The following CLINT1 variants were observed in gnomAD, a reference collection of about 807,000 sequenced individuals.
CLINT1 encodes the protein clathrin interacting protein localized in the trans-Golgi region.
A neutral mutation model predicts 70.4 loss-of-function variants in CLINT1; 15 were observed. The ratio of observed to expected loss-of-function variants is 0.21; its 90% CI spans 0.14 to 0.33. The LOEUF (loss-of-function observed/expected upper bound fraction) is 0.33, where lower values mean the gene tolerates loss of function less well. CLINT1 is among the 10% of genes least tolerant of loss of function. CLINT1 has a pLI of 1.00. For synonymous variants in CLINT1, 227 were observed against 254.7 expected (o/e 0.89, Z 1.04); for missense variants, 615 against 778.1 (o/e 0.79, Z 2.49).
At chr5:157,806,642 ATAAT>A (rs1762394580) in intron 6 of CLINT1, among the ~76,000 whole-genome samples, 1 of 152,208 alleles carries the variant, frequency 6.6e-6, no homozygotes. Flanking sequence ...CTTAATTCGA[ATAAT>A]TAAACTCATC....
chr5:157,809,271 T>G (rs1292751777), intron 6 of CLINT1: 1 of 170,772 alleles, frequency 5.9e-6, no homozygotes, highest in African/African-American at 2.4e-5. Flanking sequence ...ATTATGCATT[T>G]GTCGAAACCC....
chr5:157,810,859 G>A (rs1478317867), intron 5 of CLINT1, among the ~76,000 whole-genome samples: 1 of 152,180 alleles, frequency 6.6e-6, no homozygotes, highest in Non-Finnish European at 1.5e-5. Context: ...GATCTAAAAG[G>A]ATACATAGCC....
Position 157,836,225 on chromosome 5 carries a change from C to T in CLINT1, c.42-18678G>A, listed in dbSNP as rs925959618. On this transcript the variant is annotated intron_variant, in intron 1 of 11. Transcript: ENST00000411809. ...ATGGGCCAGGCATTGTCCTAAGCCA[C>T]GGACAATTCATTTAATCTTCCTAAC... is the stretch of plus-strand genomic sequence containing the variant. Among the ~76,000 whole-genome samples the T allele has an allele frequency of 3.3e-5, 5 of 152,190 alleles. No individual in the cohort carries two copies. In the East Asian group the frequency reaches 5.8e-4, roughly 18 times the overall value.
chr5:157,835,817 A>C (rs1763401789), intron 1 of CLINT1, among the ~76,000 whole-genome samples: 1 of 152,166 alleles, frequency 6.6e-6, no homozygotes, highest in Non-Finnish European at 1.5e-5. Context: ...CCTTGCCAAG[A>C]CTTAAAAAGT....
At chr5:157,792,553 A>C (rs1162248543) in intron 9 of CLINT1, among the ~76,000 whole-genome samples, 1 of 152,194 alleles carries the variant, frequency 6.6e-6, no homozygotes, top group Non-Finnish European at 1.5e-5. Flanking sequence ...GTCTAAAAAA[A>C]AATGAAGAAT....
At chr5:157,842,630 T>G (rs930564849) in intron 1 of CLINT1, among the ~76,000 whole-genome samples, 7 of 152,212 alleles carry the variant, frequency 4.6e-5, no homozygotes, top group Admixed American at 4.6e-4. Flanking sequence ...TATTTGAAAG[T>G]TGCTTTGCAA....
intron 6 of CLINT1, among the ~76,000 whole-genome samples, chr5:157,807,271 T>C (rs1421935215): frequency 6.6e-6 from 1 of 152,112 alleles, no homozygotes; most frequent in South Asian, 2.1e-4. Context: ...TTAAGGAACC[T>C]ACAAGTTCTG....
At chr5:157,835,832 A>G (rs1313655953) in intron 1 of CLINT1, among the ~76,000 whole-genome samples, 2 of 152,192 alleles carry the variant, frequency 1.3e-5, no homozygotes, top group African/African-American at 2.4e-5. Context: ...AAAAGTTAAG[A>G]TAACTTGGCA....
chr5:157,834,834 T>C (rs1763366170), intron 1 of CLINT1, among the ~76,000 whole-genome samples: 1 of 152,234 alleles, frequency 6.6e-6, no homozygotes, highest in Middle Eastern at 3.2e-3. Context: ...TGGCTATGTA[T>C]GAATTTATTT....
chr5:157,811,771 G>A (rs1014328302), intron 5 of CLINT1, among the ~76,000 whole-genome samples: 1 of 152,052 alleles, frequency 6.6e-6, no homozygotes, highest in South Asian at 2.1e-4. Context: ...CAAAAAGAAA[G>A]ATACAAGCAA....
At chr5:157,824,208 C>G (rs376938500) in intron 1 of CLINT1, among the ~76,000 whole-genome samples, 10 of 152,210 alleles carry the variant, frequency 6.6e-5, no homozygotes, top group Admixed American at 4.6e-4. Flanking sequence ...GATAATGAAC[C>G]TTGTGATATT....
At chr5:157,805,818 T>C in intron 7 of CLINT1, 48 bp downstream of exon 7, 2 of 1,604,028 alleles carry the variant, frequency 1.2e-6, no homozygotes, top group Non-Finnish European at 1.7e-6. Context: ...GAAGAGCGGT[T>C]TATAAAAATA....
At chr5:157,833,151 G>C (rs1207884575) in intron 1 of CLINT1, among the ~76,000 whole-genome samples, 1 of 151,932 alleles carries the variant, frequency 6.6e-6, no homozygotes, top group African/African-American at 2.4e-5. Flanking sequence ...AGGAAATCGA[G>C]ACCAGCCTGG....
rs146473287 is a variant in CLINT1 at position 157,810,878 on chromosome 5, T to C, written c.518-1073A>G. Among the ~76,000 whole-genome samples the C allele has an allele frequency of 1.7e-3, 256 of 152,296 alleles. 2 individuals carry two copies. Among genetic ancestry groups the C allele is most frequent in the African/African-American group, 5.6e-3 (231 of 41,560 alleles). ...TAAAAGGATACATAGCCTTTGGAGA[T>C]TGAACAAAACGATTTTGCTGAATTG... On this transcript the variant is annotated intron_variant, in intron 5 of 11. Coordinates refer to ENST00000411809, the MANE Select transcript of CLINT1 (RefSeq NM_014666.4).
chr5:157,835,287 T>G (rs1763379853), intron 1 of CLINT1, among the ~76,000 whole-genome samples: 1 of 152,198 alleles, frequency 6.6e-6, no homozygotes, highest in African/African-American at 2.4e-5. Context: ...ACATCAGTTA[T>G]AGTGCTGTTG....
intron 1 of CLINT1, among the ~76,000 whole-genome samples, chr5:157,858,633 G>A (rs1333752010): frequency 6.6e-6 from 1 of 152,188 alleles, no homozygotes; most frequent in African/African-American, 2.4e-5. Context: ...CAAACAACCC[G>A]CCCCTTATGA....
At chr5:157,802,174 T>A (rs1581485360) in intron 8 of CLINT1, among the ~76,000 whole-genome samples, 1 of 151,906 alleles carries the variant, frequency 6.6e-6, no homozygotes, top group African/African-American at 2.4e-5. Flanking sequence ...GGATTACAGG[T>A]GTGAGCCACT....
intron 1 of CLINT1, among the ~76,000 whole-genome samples, chr5:157,836,492 C>T (rs755110737): frequency 2.0e-5 from 3 of 152,202 alleles, no homozygotes; most frequent in African/African-American, 7.2e-5. Context: ...TCCAACTCAG[C>T]ACCAAGAGTA....
chr5:157,813,033 C>T, intron 5 of CLINT1, 30 bp downstream of exon 5: 1 of 1,601,328 alleles, frequency 6.2e-7, no homozygotes, highest in Non-Finnish European at 8.5e-7. Context: ...TAAGCTGATG[C>T]TTAGGTGTCA....
Sources: gnomAD v4.1 joint callset for allele counts (sites outside exome capture counted in the v4.1 genomes callset) on GRCh38, gnomAD v4.1.1 for gene constraint, MANE v1.5 for transcripts, NCBI Gene and HGNC (gene_info 2026-07-23, HGNC 2026-07-21) for gene names.